The following OSBPL3 variants were observed in gnomAD, a reference collection of about 807,000 sequenced individuals.
OSBPL3 encodes oxysterol-binding protein-related protein 3.
A neutral mutation model predicts 120.1 loss-of-function variants in OSBPL3; 65 were observed. The observed-to-expected ratio is 0.54, with a 90% CI of 0.44 to 0.67. The LOEUF (loss-of-function observed/expected upper bound fraction) is 0.67. OSBPL3 is among the 30% of genes least tolerant of loss of function. The pLI is 0.00. For missense variants in OSBPL3, 1,004 were observed against 1,082.1 expected (o/e 0.93, Z 1.01); for synonymous variants, 416 against 402.6 (o/e 1.03, Z -0.40).
rs532934336 is a variant in OSBPL3, at chr7:24,939,980, G to A, written c.-150+39906C>T. On this transcript the variant is annotated intron_variant, in intron 1 of 22. Transcript: ENST00000313367. This position sits in a 1 kb window ranked among gnomAD's most constrained non-coding sequence, Gnocchi z 4.2. ...TAACAAACCTGCATGTTCTGCACATGTATCCCAGAACTAAAAGAAAGAAAG... is the reference window on the plus strand; with the variant it reads ...TAACAAACCTGCATGTTCTGCACATATATCCCAGAACTAAAAGAAAGAAAG... Among the ~76,000 whole-genome samples, 3 of 152,238 alleles carry A rather than the reference G, an allele frequency of 2.0e-5. No individual in the cohort carries two copies. Among genetic ancestry groups the A allele is most frequent in the Non-Finnish European group, 4.4e-5 (3 of 68,014 alleles).
At position 24,857,450 on chromosome 7, in the gene OSBPL3, A is replaced by G. The variant is rs577576699; in HGVS notation, c.1027+4163T>C. ...TCTCTCAGAAAGCCTTCTTGTAACA[A>G]TAAGCAATAGTAGGGACTCTTTCTA... On this transcript the variant is annotated intron_variant, in intron 10 of 22. Coordinates refer to ENST00000313367, the MANE Select transcript of OSBPL3 (RefSeq NM_015550.4). Among the ~76,000 whole-genome samples, 112 of 152,236 alleles carry G rather than the reference A, an allele frequency of 7.4e-4. 1 individual carries two copies. Among genetic ancestry groups the G allele is most frequent in the Non-Finnish European group, 1.5e-3 (101 of 68,034 alleles).
chr7:24,967,942 C>T lies in OSBPL3; in HGVS notation c.-150+11944G>A, dbSNP rs1816575088. 6.6e-6 allele frequency among the ~76,000 whole-genome samples: 1 copy of T among 152,220 alleles called. No individual in the cohort carries two copies. Among genetic ancestry groups the T allele is most frequent in the Admixed American group, 6.5e-5 (1 of 15,290 alleles). On this transcript the variant is annotated intron_variant, in intron 1 of 22. Coordinates refer to ENST00000313367, the MANE Select transcript of OSBPL3 (RefSeq NM_015550.4). This position sits in a 1 kb window ranked among gnomAD's most constrained non-coding sequence, Gnocchi z 5.6. ...CTTTCTCTAAGATCTACTCATCTTCCTATTTTCCCCAGCAGTAGTCAATGG... is the reference window on the plus strand; with the variant it reads ...CTTTCTCTAAGATCTACTCATCTTCTTATTTTCCCCAGCAGTAGTCAATGG...
Position 24,849,272 on chromosome 7 carries a change from T to A in OSBPL3, c.1159-96A>T. 3.4e-6 allele frequency: 3 copies of A among 877,452 alleles called. No homozygotes were observed. Among genetic ancestry groups the A allele is most frequent in the Non-Finnish European group, 5.4e-6 (3 of 552,368 alleles). The allele number at this position is 877,452 out of a possible 1,614,324, so 54.4% of individuals were successfully genotyped here. On this transcript the variant is annotated intron_variant, in intron 11 of 22. Transcript: ENST00000313367. The surrounding 1 kb of genome is among the most constrained non-coding windows in gnomAD (Gnocchi z 5.4). ...GCAGGAGCGATCTCTAAGAGCTTGA[T>A]GAAACTCTTAGTGACGTGGTCTGAC... is the stretch of plus-strand genomic sequence containing the variant.
intron 19 of OSBPL3, among the ~76,000 whole-genome samples, chr7:24,812,434 T>C (rs1793939975): frequency 6.6e-6 from 1 of 152,104 alleles, no homozygotes; most frequent in African/African-American, 2.4e-5. Flanking sequence ...CACTCTATTC[T>C]GCTCAGTTCA....
In OSBPL3 at chr7:24,932,198, G is replaced by A. The variant is rs2001830; in HGVS notation, c.-149-39577C>T. On this transcript the variant is annotated intron_variant, in intron 1 of 22. Transcript: ENST00000313367. The surrounding 1 kb of genome is among the most constrained non-coding windows in gnomAD (Gnocchi z 5.6). ...CACATTTGTCCCACTTTAAAGCTTC[G>A]GCAACTGAGGCTTAACAAGGTCATA... 0.075 allele frequency among the ~76,000 whole-genome samples: 11,459 copies of A among 152,052 alleles called. 632 individuals carry two copies. Among genetic ancestry groups the A allele is most frequent in the East Asian group, 0.21 (1,102 of 5,170 alleles).
At chr7:24,844,830 ATC>A (rs34404178) in intron 12 of OSBPL3, among the ~76,000 whole-genome samples, 14,478 of 152,224 alleles carry the variant, frequency 0.095, 912 homozygotes, top group East Asian at 0.23. Flanking sequence ...ATATTAAAAT[ATC>A]TGTGTACAAA....
chr7:24,898,825 C>T lies in OSBPL3; in HGVS notation c.-149-6204G>A, dbSNP rs1351218750. Reference sequence around the variant, plus strand: ...CCGGCTTAAACAAAGCAAGAACTCCCTCTATAACATGGCTAGATCATCACT... The same window carrying T: ...CCGGCTTAAACAAAGCAAGAACTCCTTCTATAACATGGCTAGATCATCACT... On this transcript the variant is annotated intron_variant, in intron 1 of 22. Coordinates refer to ENST00000313367, the MANE Select transcript of OSBPL3 (RefSeq NM_015550.4). This position sits in a 1 kb window ranked among gnomAD's most constrained non-coding sequence, Gnocchi z 4.3. 6.6e-6 allele frequency among the ~76,000 whole-genome samples: 1 copy of T among 152,202 alleles called. No homozygotes were observed. Among genetic ancestry groups the T allele is most frequent in the African/African-American group, 2.4e-5 (1 of 41,452 alleles).
rs1812371031 is a variant in OSBPL3, at chr7:24,936,009, A to T, written c.-149-43388T>A. On this transcript the variant is annotated intron_variant, in intron 1 of 22. Coordinates refer to ENST00000313367, the MANE Select transcript of OSBPL3 (RefSeq NM_015550.4). The surrounding 1 kb of genome is among the most constrained non-coding windows in gnomAD (Gnocchi z 4.2). ...TAACTTGTCATTTAGCATTAGGTAT[A>T]TCTCCTAAAGCTATCCCTCCCCCCT... 6.7e-6 allele frequency among the ~76,000 whole-genome samples: 1 copy of T among 148,736 alleles called. No individual in the cohort carries two copies. Among genetic ancestry groups the T allele is most frequent in the Non-Finnish European group, 1.5e-5 (1 of 67,100 alleles).
At chr7:24,880,796 A>G (rs1444188114) in intron 2 of OSBPL3, among the ~76,000 whole-genome samples, 1 of 152,164 alleles carries the variant, frequency 6.6e-6, no homozygotes, top group Non-Finnish European at 1.5e-5. Flanking sequence ...TGAAGGGGAG[A>G]AAAACTCCAA....
Position 24,862,245 on chromosome 7 carries a change from C to G in OSBPL3, c.871-476G>C, listed in dbSNP as rs1301864409. ...TAAAAAATGAGAACTCAAGACAACACTTTCCACAGAAACTTGCTTCTTGTG... is the reference window on the plus strand; with the variant it reads ...TAAAAAATGAGAACTCAAGACAACAGTTTCCACAGAAACTTGCTTCTTGTG... On this transcript the variant is annotated intron_variant, in intron 9 of 22. Transcript: ENST00000313367. The surrounding 1 kb of genome is among the most constrained non-coding windows in gnomAD (Gnocchi z 4.4). 6.6e-6 allele frequency among the ~76,000 whole-genome samples: 1 copy of G among 152,182 alleles called. No individual in the cohort carries two copies. Among genetic ancestry groups the G allele is most frequent in the Non-Finnish European group, 1.5e-5 (1 of 68,032 alleles).
In OSBPL3 at chr7:24,891,669, C is replaced by G. The variant is rs1161607653; in HGVS notation, c.96+708G>C. Among the ~76,000 whole-genome samples, 1 of 152,186 alleles carries G rather than the reference C, an allele frequency of 6.6e-6. No homozygotes were observed. The highest frequency in any genetic ancestry group is 2.4e-5 in the African/African-American group (1 of 41,428). On this transcript the variant is annotated intron_variant, in intron 2 of 22. Coordinates refer to ENST00000313367, the MANE Select transcript of OSBPL3 (RefSeq NM_015550.4). This position sits in a 1 kb window ranked among gnomAD's most constrained non-coding sequence, Gnocchi z 4.1. Reference sequence around the variant, plus strand: ...GCATTTACTGCCACTGATCTAAAACCAGCAAATTCTGCCAACAAAGATTTA... The same window carrying G: ...GCATTTACTGCCACTGATCTAAAACGAGCAAATTCTGCCAACAAAGATTTA...
At chr7:24,975,566 A>G (rs867575418) in intron 1 of OSBPL3, among the ~76,000 whole-genome samples, 34 of 152,306 alleles carry the variant, frequency 2.2e-4, no homozygotes, top group African/African-American at 7.0e-4. Context: ...ATAGGACACC[A>G]TGTTTAGTGA....
intron 2 of OSBPL3, among the ~76,000 whole-genome samples, chr7:24,882,686 A>T (rs1803883881): frequency 6.6e-6 from 1 of 152,232 alleles, no homozygotes; most frequent in Non-Finnish European, 1.5e-5. Flanking sequence ...GTACTAATTT[A>T]CATTCCCATT....
chr7:24,840,733 TA>T lies in OSBPL3; in HGVS notation c.1451del (p.Leu484Ter). 2 of 1,468,860 alleles carry T rather than the reference TA, an allele frequency of 1.4e-6. No homozygotes were observed. Among genetic ancestry groups the T allele is most frequent in the Non-Finnish European group, 1.9e-6 (2 of 1,068,914 alleles). 91.0% of individuals were successfully genotyped at this position (1,468,860 alleles called of 1,614,324 possible). On this transcript the variant is annotated frameshift_variant, in exon 14 of 23. Coordinates refer to ENST00000313367, the MANE Select transcript of OSBPL3 (RefSeq NM_015550.4). LOFTEE classifies it high-confidence loss of function. ...YVSDISDNLS[L>X]DNLSNDLDNE... ...TATCTAAATCATTACTGAGATTATC[TA>T]AGGAAAGATTATCACTTATGTCACT...
chr7:24,866,825 G>A (rs1045894555), intron 5 of OSBPL3, among the ~76,000 whole-genome samples: 9 of 152,134 alleles, frequency 5.9e-5, no homozygotes, highest in African/African-American at 1.4e-4. Flanking sequence ...TATTTGAGAC[G>A]GAGTCTTGCC....
intron 1 of OSBPL3, among the ~76,000 whole-genome samples, chr7:24,897,320 C>CTTTT (rs35715609): frequency 1.6e-4 from 16 of 102,282 alleles, no homozygotes; most frequent in African/African-American, 2.6e-4. Flanking sequence ...ATGGCAGAAT[C>CTTTT]TTTTTTTTTT....
chr7:24,899,097 C>T lies in OSBPL3; in HGVS notation c.-149-6476G>A, dbSNP rs1347258518. Among the ~76,000 whole-genome samples, 2 of 152,154 alleles carry T rather than the reference C, an allele frequency of 1.3e-5. No individual in the cohort carries two copies. The highest frequency in any genetic ancestry group is 2.9e-5 in the Non-Finnish European group (2 of 68,018). Reference sequence around the variant, plus strand: ...TCTTTTCTTCTCCAGACTAAACAGCCGCATTGTCATCATCATCCATTTCTT... The same window carrying T: ...TCTTTTCTTCTCCAGACTAAACAGCTGCATTGTCATCATCATCCATTTCTT... On this transcript the variant is annotated intron_variant, in intron 1 of 22. Coordinates refer to ENST00000313367, the MANE Select transcript of OSBPL3 (RefSeq NM_015550.4). The surrounding 1 kb of genome is among the most constrained non-coding windows in gnomAD (Gnocchi z 4.0).
chr7:24,828,216 G>A (rs562223199), intron 16 of OSBPL3, among the ~76,000 whole-genome samples: 1 of 152,182 alleles, frequency 6.6e-6, no homozygotes, highest in South Asian at 2.1e-4. Flanking sequence ...AGTAGAGATG[G>A]GGTTTCACCA....
intron 1 of OSBPL3, among the ~76,000 whole-genome samples, chr7:24,925,276 C>T (rs1810911561): frequency 6.6e-6 from 1 of 152,168 alleles, no homozygotes; most frequent in African/African-American, 2.4e-5. Flanking sequence ...GGGTGGTTAG[C>T]CTTCTGGGCT....
Sources: gnomAD v4.1 joint callset for allele counts (sites outside exome capture counted in the v4.1 genomes callset) on GRCh38, gnomAD v4.1.1 for gene constraint, Gnocchi (gnomAD v3.1) non-coding constraint, MANE v1.5 for transcripts, NCBI Gene and HGNC (gene_info 2026-07-23, HGNC 2026-07-21) for gene names.